Variants in RNF2 observed in about 807,000 individuals in gnomAD.
RNF2 encodes E3 ubiquitin-protein ligase RING2.
In RNF2, 6 loss-of-function variants were observed where a neutral mutation model predicts 37.2. The observed-to-expected ratio is 0.16, with a 90% CI of 0.09 to 0.32. The LOEUF (loss-of-function observed/expected upper bound fraction) is 0.32, where lower values mean the gene tolerates loss of function less well. RNF2 is among the 10% of genes least tolerant of loss of function. The pLI is 1.00. For synonymous variants in RNF2, 133 were observed against 132.7 expected, an observed-to-expected ratio of 1.00 and a Z score of -0.02; for missense variants, 251 against 404.0, an observed-to-expected ratio of 0.62 and a Z score of 3.25.
intron 1 of RNF2, among the ~76,000 whole-genome samples, chr1:185,066,246 C>G (rs973306638): frequency 6.6e-6 from 1 of 152,176 alleles, no homozygotes; most frequent in Non-Finnish European, 1.5e-5. Flanking sequence ...CTAGGCCTCA[C>G]TGATCTAGTT....
chr1:185,092,994 G>T, intron 3 of RNF2, 67 bp from the exon 4 acceptor site: 2 of 1,326,130 alleles, frequency 1.5e-6, no homozygotes, highest in Non-Finnish European at 2.2e-6. Flanking sequence ...CCAGAAGCTG[G>T]GTATTTTTGT....
In RNF2 at chr1:185,082,366, T is replaced by C. The variant is rs1396540259; in HGVS notation, c.-2-5186T>C. On this transcript the variant is annotated intron_variant, in intron 1 of 6. Coordinates refer to ENST00000367510, the MANE Select transcript of RNF2 (RefSeq NM_007212.4). ...AGAACTTTTTTTTTTTTTTTTTTTT[T>C]TGAAGACAGAGTCTTGCTCTGTTAC... Among the ~76,000 whole-genome samples the C allele has an allele frequency of 2.7e-5, 3 of 109,846 alleles. No individual in the cohort carries two copies. The East Asian group carries it at 6.6e-4, about 24-fold the overall frequency. The allele number at this position is 109,846 out of a possible 152,430, so 72.1% of individuals were successfully genotyped here.
At chr1:185,072,994 G>A (rs1651031660) in intron 1 of RNF2, among the ~76,000 whole-genome samples, 1 of 150,760 alleles carries the variant, frequency 6.6e-6, no homozygotes. Flanking sequence ...ATGTGTTTAG[G>A]TTGTTTAGAT....
chr1:185,089,164 C>T (rs1651692706), intron 2 of RNF2, among the ~76,000 whole-genome samples: 1 of 152,132 alleles, frequency 6.6e-6, no homozygotes, highest in South Asian at 2.1e-4. Context: ...GTGCAGTTCT[C>T]AATAGGGTTC....
Position 185,099,935 on chromosome 1 carries a change from T to C in RNF2, c.882T>C (p.Tyr294=), listed in dbSNP as rs979163303. The part of the protein sequence containing the change: ...DTASEKQYTI[Y]IATASGQFTV... ...CCAGTGAGAAGCAGTATACCATTTA[T>C]ATAGCAACAGCCAGTGGCCAGTTCA... The change falls in exon 6 of 7, where the codon TAT becomes TAC. Residue 294 remains tyrosine, a synonymous_variant. Transcript: ENST00000367510. 4 of 1,611,986 alleles carry C rather than the reference T, an allele frequency of 2.5e-6. No individual in the cohort carries two copies. Among genetic ancestry groups the C allele is most frequent in the African/African-American group, 2.7e-5 (2 of 75,038 alleles).
At chr1:185,080,356 CAGAAG>C (rs1311254189) in intron 1 of RNF2, among the ~76,000 whole-genome samples, 1 of 152,136 alleles carries the variant, frequency 6.6e-6, no homozygotes, top group African/African-American at 2.4e-5. Context: ...TCTCACTAAA[CAGAAG>C]AGAAAAGATT....
chr1:185,093,402 C>G (rs1410126641), intron 4 of RNF2, 126 bp downstream of exon 4: 1 of 786,190 alleles, frequency 1.3e-6, no homozygotes, highest in Non-Finnish European at 2.1e-6. Flanking sequence ...ACCTTTCGTG[C>G]AGGTATAATA....
intron 1 of RNF2, among the ~76,000 whole-genome samples, chr1:185,074,763 A>G (rs189878704): frequency 1.3e-5 from 2 of 152,308 alleles, no homozygotes; most frequent in Admixed American, 1.3e-4. Context: ...CCATATAACA[A>G]TTATTTACAT....
At chr1:185,081,450 G>A (rs893539867) in intron 1 of RNF2, among the ~76,000 whole-genome samples, 5 of 151,378 alleles carry the variant, frequency 3.3e-5, no homozygotes, top group Non-Finnish European at 7.4e-5. Context: ...CTGGAGTACA[G>A]TGGTGCAATC....
chr1:185,049,670 T>TAAA lies in RNF2; in HGVS notation c.-3+4031_-3+4033dup, dbSNP rs200612317. Reference sequence around the variant, plus strand: ...ATATAGGGAGTTGGTTAGATGAGTGTAAAAAAAAAAAAGCGGGGGAGGGGG... The same window carrying TAAA: ...ATATAGGGAGTTGGTTAGATGAGTGTAAAAAAAAAAAAAAAGCGGGGGAGGGGG... On this transcript the variant is annotated intron_variant, in intron 1 of 6. Coordinates refer to ENST00000367510, the MANE Select transcript of RNF2 (RefSeq NM_007212.4). 6.1e-3 allele frequency among the ~76,000 whole-genome samples: 754 copies of TAAA among 124,258 alleles called. 26 individuals carry two copies. The East Asian group carries it at 0.087, about 14-fold the overall frequency. 81.5% of individuals were successfully genotyped at this position (124,258 alleles called of 152,430 possible). A position where few individuals can be genotyped will look rare whatever the true frequency, so the allele number is the denominator to read the frequency against.
intron 4 of RNF2, 96 bp downstream of exon 4, chr1:185,093,372 A>G (rs1480800698): frequency 6.5e-6 from 7 of 1,083,992 alleles, no homozygotes; most frequent in Non-Finnish European, 9.6e-6. Flanking sequence ...TACAGTAACA[A>G]ATAGTAGTAC....
intron 1 of RNF2, among the ~76,000 whole-genome samples, chr1:185,055,536 T>C (rs1450197267): frequency 6.6e-6 from 1 of 152,138 alleles, no homozygotes; most frequent in East Asian, 1.9e-4. Context: ...TTCTCCTGCC[T>C]CCTGAGTAGC....
chr1:185,054,108 C>G (rs914190317), intron 1 of RNF2, among the ~76,000 whole-genome samples: 1 of 152,028 alleles, frequency 6.6e-6, no homozygotes, highest in Non-Finnish European at 1.5e-5. Context: ...AGAAGTGAAA[C>G]TGCCGGGAAA....
chr1:185,101,933 G>A lies in RNF2; in HGVS notation c.*1632G>A, dbSNP rs974701555. On this transcript the variant is annotated 3_prime_UTR_variant, in exon 7 of 7. Transcript: ENST00000367510. ...TATTCAATTCCTTTTCTGGTGTAAT[G>A]TTAAAGTTGTATAGATTATTAATGC... 7.2e-6 allele frequency: 1 copy of A among 139,382 alleles called. No homozygotes were observed. The highest frequency in any genetic ancestry group is 2.7e-5 in the African/African-American group (1 of 36,642). 8.6% of individuals were successfully genotyped at this position (139,382 alleles called of 1,614,324 possible).
At chr1:185,076,384 G>A (rs1218285687) in intron 1 of RNF2, among the ~76,000 whole-genome samples, 2 of 138,894 alleles carry the variant, frequency 1.4e-5, no homozygotes, top group African/African-American at 5.4e-5. Context: ...TCCGTCTCCT[G>A]GCTTTAAGTG....
chr1:185,098,237 C>T lies in RNF2; in HGVS notation c.630C>T (p.Asn210=). The T allele has an allele frequency of 6.2e-7, 1 of 1,614,132 alleles. No individual in the cohort carries two copies. The highest frequency in any genetic ancestry group is 1.1e-5 in the South Asian group (1 of 91,086). ...SDDSGLELDN[N]NAAMAIDPVM... is the part of the protein sequence containing the mutation. Reference sequence around the variant, plus strand: ...ATTCTGGGCTAGAGCTTGATAATAACAATGCAGCAATGGCAATTGATCCAG... The same window carrying T: ...ATTCTGGGCTAGAGCTTGATAATAATAATGCAGCAATGGCAATTGATCCAG... The change falls in exon 5 of 7, where the codon AAC becomes AAT. Residue 210 remains asparagine (N), a synonymous_variant. Coordinates refer to ENST00000367510, the MANE Select transcript of RNF2 (RefSeq NM_007212.4).
chr1:185,091,831 T>G, intron 3 of RNF2, 92 bp downstream of exon 3: 1 of 1,262,846 alleles, frequency 7.9e-7, no homozygotes, highest in Non-Finnish European at 1.1e-6. Flanking sequence ...TTTTTTTTTT[T>G]TGAGACAGAG....
At position 185,098,200 on chromosome 1, in the gene RNF2, A is replaced by T; in HGVS notation, c.593A>T (p.Lys198Ile). The stretch of plus-strand genomic sequence containing the variant: ...GCAGGCCCTAGTAACAAACGGACCA[A>T]AACATCTGATGATTCTGGGCTAGAG... Reference protein sequence around the residue: ...QEAGPSNKRTKTSDDSGLELD... With the variant: ...QEAGPSNKRTITSDDSGLELD... The change falls in exon 5 of 7, where the codon AAA becomes ATA. Residue 198 changes from lysine to isoleucine, a missense_variant. Around this residue, in one of 7 missense-constraint regions of RNF2, gnomAD observed 94 missense variants for 99.2 expected, o/e 0.95. Coordinates refer to ENST00000367510, the MANE Select transcript of RNF2 (RefSeq NM_007212.4). 1.2e-6 allele frequency: 2 copies of T among 1,614,250 alleles called. No individual in the cohort carries two copies. Among genetic ancestry groups the T allele is most frequent in the Non-Finnish European group, 1.7e-6 (2 of 1,180,036 alleles).
intron 2 of RNF2, among the ~76,000 whole-genome samples, chr1:185,089,948 G>A (rs1045371171): frequency 3.9e-5 from 6 of 151,990 alleles, no homozygotes; most frequent in African/African-American, 1.2e-4. Context: ...TTGAGACAGA[G>A]TATCGCTCTG....
Sources: allele counts gnomAD v4.1 joint callset (sites outside exome capture counted in the v4.1 genomes callset), GRCh38; gene constraint gnomAD v4.1.1; regional missense constraint gnomAD v4.1.1; transcripts MANE v1.5; gene names NCBI Gene and HGNC (gene_info 2026-07-23, HGNC 2026-07-21).